MICAL2: variants seen among roughly 807,000 people sequenced by gnomAD.
MICAL2 encodes [F-actin]-monooxygenase MICAL2.
MICAL2 carries 77 observed loss-of-function variants against 127.3 expected under a neutral mutation model. The ratio of observed to expected loss-of-function variants is 0.60; its 90% CI spans 0.50 to 0.73. MICAL2 has a LOEUF of 0.73. Among genes scored for constraint, MICAL2 ranks in the 30% least tolerant of loss-of-function variants. MICAL2 has a pLI of 0.00. For synonymous variants in MICAL2, 570 were observed against 551.1 expected (o/e 1.03, Z -0.48); for missense variants, 1,351 against 1,434.4 (o/e 0.94, Z 0.94).
intron 30 of MICAL2, among the ~76,000 whole-genome samples, chr11:12,323,006 C>T (rs1329855172): frequency 1.3e-5 from 2 of 152,160 alleles, no homozygotes. Context: ...CTGAAGCTCA[C>T]ACAACTCAGC....
chr11:12,352,090 A>G (rs918273181), intron 33 of MICAL2, among the ~76,000 whole-genome samples: 2 of 152,176 alleles, frequency 1.3e-5, no homozygotes, highest in African/African-American at 4.8e-5. Context: ...GCTCAGCCTT[A>G]TTACAACTTT....
intron 3 of MICAL2, among the ~76,000 whole-genome samples, chr11:12,166,331 C>T (rs1382796645): frequency 2.0e-5 from 3 of 152,208 alleles, no homozygotes; most frequent in Admixed American, 1.3e-4. Flanking sequence ...TGCTCATTAG[C>T]AGGTGTTTCC....
chr11:12,358,121 C>T (rs1188455476), intron 34 of MICAL2, among the ~76,000 whole-genome samples: 2 of 152,178 alleles, frequency 1.3e-5, no homozygotes, highest in East Asian at 3.9e-4. Context: ...TCACCGCACA[C>T]ACCTTTCTCA....
chr11:12,151,018 A>T (rs147397583), intron 2 of MICAL2, among the ~76,000 whole-genome samples: 2 of 152,020 alleles, frequency 1.3e-5, no homozygotes, highest in Non-Finnish European at 2.9e-5. Context: ...CAGGAACCCT[A>T]TGTTGTTTAT....
At chr11:12,199,793 C>T (rs1371882178) in intron 3 of MICAL2, among the ~76,000 whole-genome samples, 1 of 152,190 alleles carries the variant, frequency 6.6e-6, no homozygotes, top group Non-Finnish European at 1.5e-5. Flanking sequence ...TTTGTCTCTC[C>T]TCTGTGCTAA....
chr11:12,194,936 A>G lies in MICAL2; in HGVS notation c.265-9314A>G, dbSNP rs186115251. 5.8e-4 allele frequency among the ~76,000 whole-genome samples: 89 copies of G among 152,368 alleles called. No individual in the cohort carries two copies. In the South Asian group the frequency reaches 7.0e-3, roughly 12 times the overall value. ...GCAGTTATACAGGCAGTAGGAAAAAAGAGTATGTGGATTTCATTTTATATA... is the reference window on the plus strand; with the variant it reads ...GCAGTTATACAGGCAGTAGGAAAAAGGAGTATGTGGATTTCATTTTATATA... On this transcript the variant is annotated intron_variant, in intron 3 of 27. Coordinates refer to ENST00000683283, the MANE Select transcript of MICAL2 (RefSeq NM_001282663.2).
At chr11:12,313,771 C>CG (rs1206893532) in intron 29 of MICAL2, among the ~76,000 whole-genome samples, 4 of 151,850 alleles carry the variant, frequency 2.6e-5, no homozygotes, top group Admixed American at 2.6e-4. Context: ...TTTAAAATGT[C>CG]TAACAATGGT....
chr11:12,342,609 A>G (rs1268060145), intron 32 of MICAL2, among the ~76,000 whole-genome samples: 1 of 152,220 alleles, frequency 6.6e-6, no homozygotes, highest in African/African-American at 2.4e-5. Context: ...TAGAAATGGC[A>G]TGGTATAGTT....
rs1451883331 is a variant in MICAL2 at position 12,237,586 on chromosome 11, T to A, written c.2064+1341T>A. Among the ~76,000 whole-genome samples, 2 of 152,186 alleles carry A rather than the reference T, an allele frequency of 1.3e-5. 1 individual carries two copies. Among genetic ancestry groups the A allele is most frequent in the Non-Finnish European group, 2.9e-5 (2 of 68,028 alleles). On this transcript the variant is annotated intron_variant, in intron 16 of 27. Coordinates refer to ENST00000683283, the MANE Select transcript of MICAL2 (RefSeq NM_001282663.2). The stretch of plus-strand genomic sequence containing the variant: ...AAGGGTATGTGAGTGTTGTTTCTGT[T>A]ATTGGCAACCTAGGAGTTGGAGTGG...
At chr11:12,152,799 T>G (rs1434110295) in intron 2 of MICAL2, among the ~76,000 whole-genome samples, 1 of 152,172 alleles carries the variant, frequency 6.6e-6, no homozygotes, top group Non-Finnish European at 1.5e-5. Context: ...GCAAATGTCT[T>G]TCATTGACCT....
intron 32 of MICAL2, among the ~76,000 whole-genome samples, chr11:12,336,975 G>C (rs1301089934): frequency 6.6e-6 from 1 of 152,190 alleles, no homozygotes; most frequent in Admixed American, 6.5e-5. Flanking sequence ...CATAAAATGA[G>C]TTAGGAAGGA....
chr11:12,212,770 A>G (rs531256372), intron 6 of MICAL2, among the ~76,000 whole-genome samples: 20 of 152,330 alleles, frequency 1.3e-4, no homozygotes, highest in Admixed American at 1.0e-3. Flanking sequence ...GGAGAGGCAC[A>G]TAATACAACC....
chr11:12,303,034 C>T (rs1457154275), intron 29 of MICAL2, among the ~76,000 whole-genome samples: 45 of 152,084 alleles, frequency 3.0e-4, no homozygotes. Flanking sequence ...AGAGTGAGTG[C>T]AAGTAGGGGA....
downstream of MICAL2, among the ~76,000 whole-genome samples, chr11:12,360,342 G>A (rs114690891): frequency 2.3e-3 from 355 of 152,196 alleles, 1 homozygote; most frequent in African/African-American, 8.2e-3. Context: ...TAAGAAATTG[G>A]TACATAAGCT....
At chr11:12,335,982 C>T (rs28846782) in intron 32 of MICAL2, among the ~76,000 whole-genome samples, 62,111 of 152,000 alleles carry the variant, frequency 0.41, 15,336 homozygotes, top group Non-Finnish European at 0.56. Flanking sequence ...TTTTCCAATT[C>T]TGTGAAGAAA....
At chr11:12,197,778 C>G (rs2134073848) in intron 3 of MICAL2, 2 of 152,324 alleles carry the variant, frequency 1.3e-5, no homozygotes, top group Middle Eastern at 6.8e-3. Context: ...CCCTGAAAAT[C>G]CAGACCCTGC....
At chr11:12,295,920 T>C (rs191103597), downstream of MICAL2, among the ~76,000 whole-genome samples, 157 of 152,304 alleles carry the variant, frequency 1.0e-3, no homozygotes, top group African/African-American at 3.6e-3. Context: ...ATAATGTTTT[T>C]CCCTTTAAAC....
intron 1 of MICAL2, among the ~76,000 whole-genome samples, chr11:12,278,462 A>G (rs1434105937): frequency 1.3e-5 from 2 of 152,182 alleles, no homozygotes; most frequent in African/African-American, 4.8e-5. Context: ...GGTGATAGGA[A>G]TTTTCCCGCT....
At chr11:12,200,768 T>C (rs1590317315) in intron 3 of MICAL2, among the ~76,000 whole-genome samples, 1 of 149,914 alleles carries the variant, frequency 6.7e-6, no homozygotes, top group African/African-American at 2.5e-5. Flanking sequence ...AATCAGAAAC[T>C]GTACACCAGC....
Sources: allele counts gnomAD v4.1 joint callset (sites outside exome capture counted in the v4.1 genomes callset), GRCh38; gene constraint gnomAD v4.1.1; transcripts MANE v1.5; gene names NCBI Gene and HGNC (gene_info 2026-07-23, HGNC 2026-07-21).